The following FSTL5 variants were observed in gnomAD, a reference collection of about 807,000 sequenced individuals.
FSTL5 encodes follistatin-related protein 5.
A neutral mutation model predicts 89.1 loss-of-function variants in FSTL5; 62 were observed. That is an observed-to-expected ratio of 0.70 (90% CI 0.57 to 0.86). The LOEUF (loss-of-function observed/expected upper bound fraction) is 0.86. FSTL5 is among the 40% of genes least tolerant of loss of function. FSTL5 has a pLI of 0.00. For missense variants in FSTL5, 1,057 were observed against 1,001.6 expected, an observed-to-expected ratio of 1.06 and a Z score of -0.75; for synonymous variants, 383 against 346.2, an observed-to-expected ratio of 1.11 and a Z score of -1.18.
At chr4:161,639,642 A>G (rs1310883422) in intron 7 of FSTL5, among the ~76,000 whole-genome samples, 1 of 152,184 alleles carries the variant, frequency 6.6e-6, no homozygotes, top group East Asian at 1.9e-4. Context: ...TAGAGTCTGT[A>G]GAAGGCTTGG....
intron 3 of FSTL5, among the ~76,000 whole-genome samples, chr4:162,021,193 G>A (rs1283026239): frequency 2.0e-5 from 3 of 152,078 alleles, no homozygotes; most frequent in Non-Finnish European, 4.4e-5. Flanking sequence ...GTCTATACTG[G>A]CTACTACTAG....
At chr4:161,682,319 T>G (rs1737553288) in intron 6 of FSTL5, among the ~76,000 whole-genome samples, 1 of 152,142 alleles carries the variant, frequency 6.6e-6, no homozygotes. Context: ...AAAACTTTCT[T>G]TCTTCAATAA....
intron 6 of FSTL5, among the ~76,000 whole-genome samples, chr4:161,721,193 G>A (rs1739195904): frequency 6.7e-6 from 1 of 149,358 alleles, no homozygotes; most frequent in Non-Finnish European, 1.5e-5. Context: ...CAGGAGAATG[G>A]CGTGAACCCG....
chr4:162,009,979 TA>T (rs200387858), intron 3 of FSTL5, among the ~76,000 whole-genome samples: 29,414 of 142,800 alleles, frequency 0.21, 2,977 homozygotes, highest in Admixed American at 0.26. Flanking sequence ...GTTTGTTTTG[TA>T]AAAAAAAAAA....
chr4:161,398,739 C>T (rs1439474011), intron 15 of FSTL5, among the ~76,000 whole-genome samples: 3 of 152,068 alleles, frequency 2.0e-5, no homozygotes, highest in Admixed American at 6.6e-5. Flanking sequence ...GGCAGTGTAA[C>T]TTGCATGTAC....
chr4:161,589,782 T>TC (rs562372658), intron 7 of FSTL5, among the ~76,000 whole-genome samples: 35 of 151,960 alleles, frequency 2.3e-4, no homozygotes, highest in Non-Finnish European at 5.0e-4. Flanking sequence ...TTCCATATAT[T>TC]CCTAGGAGTC....
At chr4:161,468,871 A>C (rs529304328) in intron 13 of FSTL5, among the ~76,000 whole-genome samples, 2 of 152,152 alleles carry the variant, frequency 1.3e-5, no homozygotes, top group East Asian at 3.9e-4. Flanking sequence ...CTTTGCCAAA[A>C]TTTCCAGATT....
intron 6 of FSTL5, among the ~76,000 whole-genome samples, chr4:161,664,252 T>C (rs1049360115): frequency 6.6e-6 from 1 of 152,242 alleles, no homozygotes; most frequent in Admixed American, 6.5e-5. Flanking sequence ...AAAATGGATC[T>C]TTCTTTTCTA....
intron 2 of FSTL5, among the ~76,000 whole-genome samples, chr4:162,104,799 T>C (rs1194214988): frequency 2.0e-5 from 3 of 152,166 alleles, no homozygotes. Flanking sequence ...TCTCAGACCT[T>C]TCACAATTCT....
chr4:161,599,313 T>C (rs1363876316), intron 7 of FSTL5, among the ~76,000 whole-genome samples: 1 of 152,128 alleles, frequency 6.6e-6, no homozygotes, highest in Non-Finnish European at 1.5e-5. Context: ...CTGACTGACA[T>C]GTAGCACAAT....
chr4:161,488,068 A>G (rs1173622485), intron 12 of FSTL5, among the ~76,000 whole-genome samples: 1 of 152,132 alleles, frequency 6.6e-6, no homozygotes, highest in Admixed American at 6.5e-5. Context: ...AAAATACATT[A>G]AATGATTTGG....
At chr4:161,625,719 C>T (rs996081849) in intron 7 of FSTL5, among the ~76,000 whole-genome samples, 12 of 151,886 alleles carry the variant, frequency 7.9e-5, no homozygotes, top group East Asian at 3.9e-4. Context: ...TGTTGAAAGC[C>T]GAAACAGGTC....
At chr4:162,042,149 T>C (rs1028759260) in intron 2 of FSTL5, 1 of 149,334 alleles carries the variant, frequency 6.7e-6, no homozygotes, top group African/African-American at 2.5e-5. Flanking sequence ...AAACTTCATC[T>C]CAAAAAAAAG....
At chr4:161,922,569 A>T (rs1403028132) in intron 3 of FSTL5, among the ~76,000 whole-genome samples, 1 of 151,984 alleles carries the variant, frequency 6.6e-6, no homozygotes, top group Admixed American at 6.6e-5. Context: ...GTGGATCTCA[A>T]GTCTAATCCA....
At chr4:162,099,856 T>C (rs1307733624) in intron 2 of FSTL5, among the ~76,000 whole-genome samples, 4 of 152,154 alleles carry the variant, frequency 2.6e-5, no homozygotes, top group Non-Finnish European at 5.9e-5. Flanking sequence ...ATTAGGGAAT[T>C]GCAAATTAAA....
intron 4 of FSTL5, among the ~76,000 whole-genome samples, chr4:161,874,464 T>A (rs766394876): frequency 1.7e-4 from 26 of 152,080 alleles, no homozygotes; most frequent in Non-Finnish European, 3.2e-4. Flanking sequence ...TGGAATCTGA[T>A]AATTCTTGCT....
chr4:162,013,041 AG>A (rs1736813375), intron 3 of FSTL5, among the ~76,000 whole-genome samples: 1 of 151,982 alleles, frequency 6.6e-6, no homozygotes. Flanking sequence ...AAAATTAGCC[AG>A]GCATGGTGGC....
intron 10 of FSTL5, among the ~76,000 whole-genome samples, chr4:161,537,004 C>CT (rs1254872124): frequency 6.6e-6 from 1 of 152,008 alleles, no homozygotes; most frequent in Non-Finnish European, 1.5e-5. Flanking sequence ...TTAAATCCAG[C>CT]TTTTTTTCTC....
chr4:161,902,090 C>T (rs7686370), intron 4 of FSTL5, among the ~76,000 whole-genome samples: 125,743 of 152,234 alleles, frequency 0.83, 52,577 homozygotes, highest in Non-Finnish European at 0.89. Flanking sequence ...TTCATTGTTC[C>T]TGGTTCCTTA....
Sources: allele counts gnomAD v4.1 joint callset (sites outside exome capture counted in the v4.1 genomes callset), GRCh38; gene constraint gnomAD v4.1.1; transcripts MANE v1.5; gene names NCBI Gene and HGNC (gene_info 2026-07-23, HGNC 2026-07-21).